The following CUX2 variants were observed in gnomAD, a reference collection of about 807,000 sequenced individuals.
CUX2 encodes the protein homeobox protein cut-like 2.
CUX2 carries 40 observed loss-of-function variants against 144.8 expected under a neutral mutation model. The observed-to-expected ratio is 0.28, with a 90% CI of 0.21 to 0.36. CUX2 has a LOEUF of 0.36. Among genes scored for constraint, CUX2 ranks in the 10% least tolerant of loss-of-function variants. CUX2 has a pLI of 1.00. For missense variants in CUX2, 1,615 were observed against 1,994.0 expected (o/e 0.81, Z 3.62); for synonymous variants, 827 against 875.6 (o/e 0.94, Z 0.98).
intron 1 of CUX2, among the ~76,000 whole-genome samples, chr12:111,083,148 A>T (rs1306008757): frequency 1.3e-5 from 2 of 152,054 alleles, no homozygotes; most frequent in African/African-American, 4.8e-5. Context: ...CTGACTGTCC[A>T]TTGGGGGTCA....
intron 3 of CUX2, among the ~76,000 whole-genome samples, chr12:111,240,419 C>T (rs1882965626): frequency 6.6e-6 from 1 of 152,234 alleles, no homozygotes; most frequent in Non-Finnish European, 1.5e-5. Flanking sequence ...AGCTGCTTAC[C>T]TTCTGGGTTC....
intron 4 of CUX2, among the ~76,000 whole-genome samples, chr12:111,282,972 G>A (rs944524087): frequency 3.3e-5 from 5 of 152,118 alleles, no homozygotes; most frequent in African/African-American, 9.7e-5. Context: ...CAGCACTTTG[G>A]AAGGCCGAGA....
chr12:111,043,929 C>T (rs796598445), intron 1 of CUX2, among the ~76,000 whole-genome samples: 17 of 152,274 alleles, frequency 1.1e-4, no homozygotes, highest in African/African-American at 3.6e-4. Context: ...TGATAGGACC[C>T]GTGCTGCGCT....
chr12:111,224,574 A>G (rs551863347), intron 3 of CUX2, among the ~76,000 whole-genome samples: 6 of 106,116 alleles, frequency 5.7e-5, no homozygotes, highest in Admixed American at 4.1e-4. Flanking sequence ...GCTGTCTTTG[A>G]TGGCATAATT....
At chr12:111,336,995 C>T (rs1308367086) in intron 19 of CUX2, among the ~76,000 whole-genome samples, 2 of 151,300 alleles carry the variant, frequency 1.3e-5, no homozygotes, top group African/African-American at 2.4e-5. Context: ...GGCAACACGG[C>T]GAAACCCCGT....
intron 3 of CUX2, among the ~76,000 whole-genome samples, chr12:111,232,547 G>A (rs912158168): frequency 3.3e-5 from 5 of 152,130 alleles, no homozygotes; most frequent in Admixed American, 6.5e-5. Flanking sequence ...GAGGATGTGC[G>A]TAGATTATAT....
At position 111,295,996 on chromosome 12, in the gene CUX2, C is replaced by T. The variant is rs769191139; in HGVS notation, c.638-477C>T. 1.4e-4 allele frequency among the ~76,000 whole-genome samples: 22 copies of T among 152,132 alleles called. No individual in the cohort carries two copies. Among genetic ancestry groups the T allele is most frequent in the Non-Finnish European group, 2.9e-4 (20 of 68,022 alleles). On this transcript the variant is annotated intron_variant, in intron 7 of 21. Coordinates refer to ENST00000261726, the MANE Select transcript of CUX2 (RefSeq NM_015267.4). The surrounding 1 kb of genome is among the most constrained non-coding windows in gnomAD (Gnocchi z 5.0). ...GAAATCTGGAGTTGTATCAAAAACG[C>T]TCGTTCATTGTAACACATGAATCTG... is the stretch of plus-strand genomic sequence containing the variant.
At chr12:111,257,641 T>TTCCTCCTCCTTCC (rs1293607939) in intron 3 of CUX2, among the ~76,000 whole-genome samples, 1 of 120,208 alleles carries the variant, frequency 8.3e-6, no homozygotes, top group Non-Finnish European at 1.8e-5. Context: ...CTCCTCCCTC[T>TTCCTCCTCCTTCC]TCCTCCTCCT....
intron 16 of CUX2, among the ~76,000 whole-genome samples, chr12:111,314,261 T>C (rs966107711): frequency 6.6e-6 from 1 of 152,180 alleles, no homozygotes; most frequent in South Asian, 2.1e-4. Flanking sequence ...AAAAGAACCA[T>C]GAGAAATAAC....
chr12:111,074,662 G>A (rs967698422), intron 1 of CUX2, among the ~76,000 whole-genome samples: 6 of 152,050 alleles, frequency 3.9e-5, no homozygotes, highest in Admixed American at 3.3e-4. Flanking sequence ...GGCAGCAGGA[G>A]GGAAGTGGGG....
chr12:111,088,746 T>C (rs1462123936), intron 1 of CUX2, among the ~76,000 whole-genome samples: 2 of 152,126 alleles, frequency 1.3e-5, no homozygotes, highest in Non-Finnish European at 1.5e-5. Context: ...AGCCCTTAGT[T>C]CTTTCCTCTA....
At chr12:111,250,983 G>C (rs181834822) in intron 3 of CUX2, among the ~76,000 whole-genome samples, 2 of 151,958 alleles carry the variant, frequency 1.3e-5, no homozygotes, top group Admixed American at 1.3e-4. Context: ...TGCAGCTTTC[G>C]GCTCATTATA....
intron 4 of CUX2, among the ~76,000 whole-genome samples, chr12:111,269,307 C>T (rs1259512711): frequency 6.6e-6 from 1 of 152,196 alleles, no homozygotes; most frequent in East Asian, 1.9e-4. Context: ...AGAAATAAGA[C>T]TCAGCAGCAA....
intron 3 of CUX2, among the ~76,000 whole-genome samples, chr12:111,222,544 C>T (rs1174818464): frequency 2.6e-5 from 4 of 152,170 alleles, no homozygotes; most frequent in Non-Finnish European, 4.4e-5. Flanking sequence ...AGTTTGGAGA[C>T]CAAGTGGGCT....
At chr12:111,148,372 G>A (rs925401070) in intron 1 of CUX2, among the ~76,000 whole-genome samples, 2 of 151,536 alleles carry the variant, frequency 1.3e-5, no homozygotes, top group African/African-American at 4.9e-5. Context: ...TCTGGGGCGG[G>A]TGGCGGGGAA....
chr12:111,348,536 C>A lies in CUX2; in HGVS notation c.*211C>A. On this transcript the variant is annotated 3_prime_UTR_variant, in exon 22 of 22. Transcript: ENST00000261726. Reference sequence around the variant, plus strand: ...TGCCATTGCCTCCACTTTTCTGCACCCCCCTGCTCCTCTTCACCCTGACCC... The same window carrying A: ...TGCCATTGCCTCCACTTTTCTGCACACCCCTGCTCCTCTTCACCCTGACCC... 3.5e-6 allele frequency: 2 copies of A among 572,930 alleles called. No individual in the cohort carries two copies. Among genetic ancestry groups the A allele is most frequent in the South Asian group, 2.3e-5 (1 of 43,400 alleles). 35.5% of individuals were successfully genotyped at this position (572,930 alleles called of 1,614,324 possible). A position where few individuals can be genotyped will look rare whatever the true frequency, so the allele number is the denominator to read the frequency against.
intron 1 of CUX2, among the ~76,000 whole-genome samples, chr12:111,075,424 C>G (rs1871478804): frequency 6.6e-6 from 1 of 152,084 alleles, no homozygotes; most frequent in African/African-American, 2.4e-5. Flanking sequence ...GAGTTGGCCT[C>G]TCTCTGGTCT....
chr12:111,093,009 T>G (rs996692339), intron 1 of CUX2, among the ~76,000 whole-genome samples: 1 of 151,942 alleles, frequency 6.6e-6, no homozygotes, highest in Admixed American at 6.6e-5. Context: ...AGAGACAAGT[T>G]TTTGCCATAT....
chr12:111,203,746 G>A (rs577097285), intron 1 of CUX2, among the ~76,000 whole-genome samples: 6 of 152,146 alleles, frequency 3.9e-5, no homozygotes, highest in East Asian at 3.9e-4. Flanking sequence ...CTCTGTGGCC[G>A]CCAAGTGGGG....
Sources: allele counts gnomAD v4.1 joint callset (sites outside exome capture counted in the v4.1 genomes callset), GRCh38; gene constraint gnomAD v4.1.1; non-coding constraint Gnocchi (gnomAD v3.1); transcripts MANE v1.5; gene names NCBI Gene and HGNC (gene_info 2026-07-23, HGNC 2026-07-21).